Variants in DMD observed in about 807,000 individuals in gnomAD.
DMD encodes the protein mutant dystrophin.
DMD carries 63 observed loss-of-function variants against 330.1 expected under a neutral mutation model. The observed-to-expected ratio is 0.19, with a 90% CI of 0.16 to 0.24. The LOEUF (loss-of-function observed/expected upper bound fraction) is 0.24, where lower values mean the gene tolerates loss of function less well. DMD is among the 10% of genes least tolerant of loss of function. DMD has a pLI of 1.00. For synonymous variants in DMD, 1,223 were observed against 959.8 expected (o/e 1.27, Z -5.07); for missense variants, 3,344 against 2,684.1 (o/e 1.25, Z -5.43).
chrX:31,430,925 C>T (rs1219921881), intron 60 of DMD, among the ~76,000 whole-genome samples: 5 of 106,251 alleles, frequency 4.7e-5, no homozygotes, highest in African/African-American at 1.7e-4. Context: ...GCCTCAGCCT[C>T]CCAAGTAGCT....
chrX:32,775,617 G>C (rs2074060816), intron 7 of DMD, among the ~76,000 whole-genome samples: 1 of 113,147 alleles, frequency 8.8e-6, no homozygotes, highest in Non-Finnish European at 1.9e-5. Context: ...GGCTGGAGCT[G>C]AAGCAGCTAG....
intron 62 of DMD, among the ~76,000 whole-genome samples, chrX:31,300,965 T>A (rs1019060191): frequency 8.9e-6 from 1 of 112,016 alleles, no homozygotes; most frequent in Admixed American, 9.5e-5. Context: ...TAGAACAACC[T>A]GAAATCTGGA....
intron 44 of DMD, among the ~76,000 whole-genome samples, chrX:32,167,162 A>G (rs964340363): frequency 1.8e-5 from 2 of 112,079 alleles, no homozygotes; most frequent in Non-Finnish European, 3.8e-5. Flanking sequence ...GAGGAATTCA[A>G]TGTGGTTACA....
chrX:32,411,068 G>T (rs942999440), intron 30 of DMD, among the ~76,000 whole-genome samples: 4 of 111,815 alleles, frequency 3.6e-5, no homozygotes, highest in Non-Finnish European at 5.6e-5. Flanking sequence ...TAGACCATGT[G>T]ACTAAACGAG....
chrX:33,129,534 AAC>A (rs796736607), intron 1 of DMD, among the ~76,000 whole-genome samples: 42 of 95,718 alleles, frequency 4.4e-4, no homozygotes, highest in African/African-American at 5.8e-4. Flanking sequence ...CAAAAAAAAA[AAC>A]CCACACCTTG....
intron 63 of DMD, among the ~76,000 whole-genome samples, chrX:31,259,635 T>C (rs4381108): frequency 0.077 from 8,656 of 111,971 alleles, 729 homozygotes; most frequent in African/African-American, 0.26. Flanking sequence ...TAAGTGACTT[T>C]GTTTTTCCTT....
intron 43 of DMD, among the ~76,000 whole-genome samples, chrX:32,252,667 T>TATAAATATATAA (rs1557242916): frequency 2.5e-5 from 1 of 40,748 alleles, no homozygotes; most frequent in Non-Finnish European, 3.8e-5. Context: ...TATATAAATA[T>TATAAATATATAA]ATATATATAA....
intron 66 of DMD, among the ~76,000 whole-genome samples, chrX:31,204,585 T>G (rs938378125): frequency 8.9e-6 from 1 of 112,317 alleles, no homozygotes; most frequent in Non-Finnish European, 1.9e-5. Context: ...TAGTCCATCA[T>G]GTATGTGTTC....
At chrX:32,726,147 A>G (rs1234205405) in intron 7 of DMD, among the ~76,000 whole-genome samples, 2 of 111,461 alleles carry the variant, frequency 1.8e-5, no homozygotes. Context: ...TATGGAGGCA[A>G]TGACACTACT....
chrX:33,283,576 C>T (rs5972807), intron 1 of DMD, among the ~76,000 whole-genome samples: 3,403 of 108,855 alleles, frequency 0.031, 133 homozygotes, highest in African/African-American at 0.11. Flanking sequence ...AGTAGAATGA[C>T]TGTACTAGGT....
At chrX:33,041,512 A>T (rs1369717735) in intron 1 of DMD, 12 of 1,206,136 alleles carry the variant, frequency 9.9e-6, no homozygotes, top group Non-Finnish European at 1.3e-5. Flanking sequence ...GATTGAAAAA[A>T]TGAGAGCTGA....
intron 7 of DMD, among the ~76,000 whole-genome samples, chrX:32,703,172 T>TG (rs2147664765): frequency 9.0e-6 from 1 of 111,259 alleles, no homozygotes; most frequent in South Asian, 3.8e-4. Flanking sequence ...CTATTCCCAA[T>TG]CTGAAATGTT....
intron 15 of DMD, among the ~76,000 whole-genome samples, chrX:32,566,958 A>T (rs1363592518): frequency 1.8e-5 from 2 of 112,263 alleles, no homozygotes; most frequent in Non-Finnish European, 3.8e-5. Flanking sequence ...TCCGAAACAA[A>T]TGTAAGTTTA....
chrX:32,741,376 GTCAC>G (rs2069245673), intron 7 of DMD, among the ~76,000 whole-genome samples: 3 of 111,127 alleles, frequency 2.7e-5, no homozygotes, highest in Middle Eastern at 9.2e-3. Flanking sequence ...TCAAACCTTT[GTCAC>G]TCACTGTCAG....
intron 55 of DMD, among the ~76,000 whole-genome samples, chrX:31,582,052 A>G (rs1365372823): frequency 9.0e-6 from 1 of 111,689 alleles, no homozygotes; most frequent in Non-Finnish European, 1.9e-5. Context: ...ATGTATACAT[A>G]TGTAACTAAC....
At chrX:32,670,411 T>G (rs2061560732) in intron 9 of DMD, among the ~76,000 whole-genome samples, 1 of 111,872 alleles carries the variant, frequency 8.9e-6, no homozygotes. Context: ...TTAGAAATCA[T>G]AGGTTTAGGA....
At chrX:32,689,537 G>C (rs1337345611) in intron 9 of DMD, among the ~76,000 whole-genome samples, 2 of 111,276 alleles carry the variant, frequency 1.8e-5, no homozygotes, top group Non-Finnish European at 3.8e-5. Context: ...AAAAACTGAA[G>C]TGGAGGGAGC....
At chrX:32,723,049 G>A (rs768806106) in intron 7 of DMD, among the ~76,000 whole-genome samples, 7 of 111,028 alleles carry the variant, frequency 6.3e-5, no homozygotes, top group East Asian at 2.8e-4. Flanking sequence ...CACAACCACC[G>A]TTGATCATAT....
chrX:32,339,759 C>T (rs1184122897), intron 41 of DMD, among the ~76,000 whole-genome samples: 5 of 111,692 alleles, frequency 4.5e-5, no homozygotes, highest in African/African-American at 1.3e-4. Flanking sequence ...TTAAGAGTAC[C>T]GCTTACTATT....
Sources: gnomAD v4.1 joint callset for allele counts (sites outside exome capture counted in the v4.1 genomes callset) on GRCh38, gnomAD v4.1.1 for gene constraint, MANE v1.5 for transcripts, NCBI Gene and HGNC (gene_info 2026-07-23, HGNC 2026-07-21) for gene names.